Variants in ADGRG2 observed in about 807,000 individuals in gnomAD.
ADGRG2 encodes G protein-coupled receptor 64.
A neutral mutation model predicts 74.1 loss-of-function variants in ADGRG2; 26 were observed. The observed-to-expected ratio is 0.35, with a 90% CI of 0.26 to 0.49. The LOEUF (loss-of-function observed/expected upper bound fraction) is 0.49. Ranked by LOEUF, ADGRG2 falls within the 20% of genes least tolerant of loss-of-function variation. The probability of loss-of-function intolerance (pLI) is 0.99; values close to 1 mark genes in which losing one functional copy is unlikely to be tolerated. For missense variants in ADGRG2, 619 were observed against 763.1 expected, an observed-to-expected ratio of 0.81 and a Z score of 2.22; for synonymous variants, 296 against 295.2, an observed-to-expected ratio of 1.00 and a Z score of -0.03.
At chrX:19,109,745 C>T (rs760992219) in intron 1 of ADGRG2, among the ~76,000 whole-genome samples, 3 of 111,740 alleles carry the variant, frequency 2.7e-5, no homozygotes, top group African/African-American at 9.8e-5. Context: ...AAAATTTACA[C>T]GACAGAATCC....
intron 1 of ADGRG2, among the ~76,000 whole-genome samples, chrX:19,092,309 C>T (rs778309132): frequency 1.8e-5 from 2 of 111,207 alleles, no homozygotes; most frequent in South Asian, 7.6e-4. Flanking sequence ...CACATCAGTT[C>T]CCCTGCAACA....
chrX:19,086,599 G>A lies in ADGRG2; in HGVS notation c.-46-3853C>T, dbSNP rs761579855. On this transcript the variant is annotated intron_variant, in intron 1 of 28. Transcript: ENST00000379869. ...TCAGGGCCGCTCACAGGGAGGCTGCGTCCAAGAGTCAGAACTCCCATCCTG... is the reference window on the plus strand; with the variant it reads ...TCAGGGCCGCTCACAGGGAGGCTGCATCCAAGAGTCAGAACTCCCATCCTG... Among the ~76,000 whole-genome samples the A allele has an allele frequency of 2.3e-4, 26 of 111,504 alleles. No individual in the cohort carries two copies. In the East Asian group the frequency reaches 6.2e-3, roughly 27 times the overall value.
intron 3 of ADGRG2, among the ~76,000 whole-genome samples, chrX:19,066,445 CTTTTTTTTTTT>C (rs1225489257): frequency 5.3e-4 from 21 of 39,940 alleles, no homozygotes; most frequent in Admixed American, 1.0e-3. Context: ...GAGGATGCTT[CTTTTTTTTTTT>C]TTTTTTTTTT....
At position 19,009,752 on chromosome X, in the gene ADGRG2, T is replaced by A; in HGVS notation, c.1296A>T (p.Leu432=). Residue 432 remains leucine (L), a synonymous_variant, in exon 18 of 29, where the codon CTA becomes CTT. Coordinates refer to ENST00000379869, the MANE Select transcript of ADGRG2 (RefSeq NM_001079858.3). ...RLLKVVDDIG[L]QLNFSNTTIS... The stretch of plus-strand genomic sequence containing the variant: ...TAGTCGTGTTTGAAAAGTTCAGCTG[T>A]AGGCCAATGTCATCCACTACTTTCA... The A allele has an allele frequency of 8.4e-7, 1 of 1,195,617 alleles. No homozygotes were observed. Among genetic ancestry groups the A allele is most frequent in the Non-Finnish European group, 1.1e-6 (1 of 881,136 alleles).
At chrX:19,082,444 G>A (rs1323518156) in intron 2 of ADGRG2, among the ~76,000 whole-genome samples, 1 of 111,495 alleles carries the variant, frequency 9.0e-6, no homozygotes, top group African/African-American at 3.3e-5. Context: ...ATTTCTGAAC[G>A]CCCATTCAAA....
chrX:19,040,663 C>T (rs1033976266), intron 3 of ADGRG2, among the ~76,000 whole-genome samples: 5 of 111,712 alleles, frequency 4.5e-5, no homozygotes, highest in African/African-American at 6.5e-5. Flanking sequence ...TGAGCACAGA[C>T]GTTATATCTA....
intron 2 of ADGRG2, among the ~76,000 whole-genome samples, chrX:19,075,253 A>AC (rs979946939): frequency 1.8e-5 from 2 of 110,330 alleles, no homozygotes; most frequent in African/African-American, 6.6e-5. Context: ...AAATGAAAAA[A>AC]AAAAACAAAA....
intron 13 of ADGRG2, among the ~76,000 whole-genome samples, chrX:19,022,922 C>T (rs1338130661): frequency 8.9e-6 from 1 of 112,085 alleles, no homozygotes; most frequent in Admixed American, 9.4e-5. Flanking sequence ...GAATCCAACC[C>T]CTGACTTCAA....
At chrX:19,042,990 CA>C (rs200782656) in intron 3 of ADGRG2, among the ~76,000 whole-genome samples, 23 of 100,095 alleles carry the variant, frequency 2.3e-4, no homozygotes, top group Admixed American at 6.5e-4. Context: ...AACTCTGTTT[CA>C]AAAAAAAAAA....
At chrX:19,035,353 T>C (rs1352298746) in intron 7 of ADGRG2, 3 of 112,350 alleles carry the variant, frequency 2.7e-5, no homozygotes, top group East Asian at 2.8e-4. Context: ...AGAATGTTCA[T>C]TGCAATAACT....
At chrX:19,066,434 T>C (rs1429851857) in intron 3 of ADGRG2, among the ~76,000 whole-genome samples, 1 of 101,609 alleles carries the variant, frequency 9.8e-6, no homozygotes, top group Non-Finnish European at 2.0e-5. Flanking sequence ...CCATTCCTAA[T>C]GAGGATGCTT....
chrX:19,008,475 G>A (rs2146555834), intron 18 of ADGRG2, among the ~76,000 whole-genome samples: 1 of 111,024 alleles, frequency 9.0e-6, no homozygotes, highest in South Asian at 3.8e-4. Flanking sequence ...AGACCAGCCT[G>A]GCCAACATGG....
intron 3 of ADGRG2, among the ~76,000 whole-genome samples, chrX:19,065,641 C>T (rs947846996): frequency 2.5e-4 from 28 of 111,948 alleles, no homozygotes; most frequent in Non-Finnish European, 4.3e-4. Flanking sequence ...GTTCCACTTT[C>T]CTGCCTCATC....
chrX:19,028,326 TAA>T, intron 9 of ADGRG2, 88 bp from the exon 10 acceptor site: 6 of 436,992 alleles, frequency 1.4e-5, no homozygotes, highest in Non-Finnish European at 2.4e-5. Flanking sequence ...TATCAAATTA[TAA>T]AGTTTCATCA....
intron 1 of ADGRG2, among the ~76,000 whole-genome samples, chrX:19,091,305 T>C: frequency 9.1e-6 from 1 of 110,435 alleles, no homozygotes; most frequent in African/African-American, 3.3e-5. Flanking sequence ...GATTCACATT[T>C]TGACAAGATT....
chrX:19,115,056 G>T (rs755074767), intron 1 of ADGRG2, among the ~76,000 whole-genome samples: 1 of 111,817 alleles, frequency 8.9e-6, no homozygotes, highest in African/African-American at 3.3e-5. Context: ...TATTACGAGA[G>T]TGTCAGAAAT....
At chrX:19,000,750 A>G (rs111767705) in intron 24 of ADGRG2, among the ~76,000 whole-genome samples, 2,004 of 45,825 alleles carry the variant, frequency 0.044, 32 homozygotes, top group African/African-American at 0.11. Flanking sequence ...CCCACCCCCC[A>G]CCCGGCCCCC....
At chrX:19,030,548 G>A in intron 9 of ADGRG2, among the ~76,000 whole-genome samples, 1 of 112,045 alleles carries the variant, frequency 8.9e-6, no homozygotes, top group Non-Finnish European at 1.9e-5. Context: ...ACATTCAACA[G>A]GCTGATCCGC....
chrX:19,117,164 G>A (rs951564299), intron 1 of ADGRG2, among the ~76,000 whole-genome samples: 3 of 109,325 alleles, frequency 2.7e-5, no homozygotes, highest in Admixed American at 9.8e-5. Flanking sequence ...GTGTGGTGGC[G>A]GGCACCTGCA....
Sources: gnomAD v4.1 joint callset for allele counts (sites outside exome capture counted in the v4.1 genomes callset) on GRCh38, gnomAD v4.1.1 for gene constraint, MANE v1.5 for transcripts, NCBI Gene and HGNC (gene_info 2026-07-23, HGNC 2026-07-21) for gene names.